ATG13: variants seen among roughly 807,000 people sequenced by gnomAD.
ATG13 encodes the protein autophagy-related protein 13.
In ATG13, 23 loss-of-function variants were observed where a neutral mutation model predicts 65.5. The ratio of observed to expected loss-of-function variants is 0.35; its 90% CI spans 0.25 to 0.50. The LOEUF is 0.50. Among genes scored for constraint, ATG13 ranks in the 20% least tolerant of loss-of-function variants. ATG13 has a pLI of 0.98. For synonymous variants in ATG13, 252 were observed against 245.2 expected, an observed-to-expected ratio of 1.03 and a Z score of -0.26; for missense variants, 566 against 677.0, an observed-to-expected ratio of 0.84 and a Z score of 1.82.
chr11:46,619,373 T>C (rs12794272), intron 1 of ATG13, among the ~76,000 whole-genome samples: 10 of 85,222 alleles, frequency 1.2e-4, no homozygotes, highest in Admixed American at 9.0e-4. Flanking sequence ...GATTTCTTGC[T>C]TTTTTTTTTT....
intron 13 of ATG13, 23 bp downstream of exon 13, chr11:46,664,982 C>T: frequency 1.2e-6 from 2 of 1,600,992 alleles, no homozygotes; most frequent in East Asian, 2.2e-5. Flanking sequence ...ATGGGGAGGA[C>T]TATGGGTTTC....
chr11:46,632,325 C>G (rs941993184), intron 2 of ATG13: 1 of 152,040 alleles, frequency 6.6e-6, no homozygotes, highest in Non-Finnish European at 1.5e-5. Context: ...ATCCCTAGGA[C>G]AGAAAATTTT....
chr11:46,654,889 A>C (rs1412802747), intron 7 of ATG13, among the ~76,000 whole-genome samples: 5 of 150,598 alleles, frequency 3.3e-5, no homozygotes, highest in East Asian at 2.0e-4. Context: ...ACTTGAGCTC[A>C]GGAGTTCAAG....
chr11:46,620,877 T>G (rs545300897), intron 1 of ATG13, among the ~76,000 whole-genome samples: 4 of 152,192 alleles, frequency 2.6e-5, no homozygotes, highest in African/African-American at 4.8e-5. Context: ...TCATAACTTA[T>G]AGAAACCTCC....
intron 1 of ATG13, among the ~76,000 whole-genome samples, chr11:46,620,609 C>T (rs1304231680): frequency 6.6e-6 from 1 of 151,680 alleles, no homozygotes; most frequent in Non-Finnish European, 1.5e-5. Context: ...AACCCTGTCT[C>T]TACCAAAAAT....
chr11:46,645,296 T>A, intron 3 of ATG13, 43 bp from the exon 4 acceptor site: 1 of 1,574,896 alleles, frequency 6.3e-7, no homozygotes, highest in Non-Finnish European at 8.7e-7. Flanking sequence ...GTCTAAGACT[T>A]TTCATCATTT....
rs537804382 is a variant in ATG13, at chr11:46,624,059, C to G, written c.-69-5986C>G. Among the ~76,000 whole-genome samples, 9 of 149,464 alleles carry G rather than the reference C, an allele frequency of 6.0e-5. No homozygotes were observed. In the Admixed American group the frequency reaches 6.1e-4, roughly 10 times the overall value. ...TCTCGCTGTCACCCAGGCTGGAGTA[C>G]AGTGGCGCAATCTCGGCTCCCTGCA... On this transcript the variant is annotated intron_variant, in intron 1 of 18. Coordinates refer to ENST00000683050, the MANE Select transcript of ATG13 (RefSeq NM_001346311.2).
chr11:46,631,001 C>G (rs1280768290), intron 2 of ATG13: 1 of 152,138 alleles, frequency 6.6e-6, no homozygotes, highest in African/African-American at 2.4e-5. Context: ...TGTGAGTCAC[C>G]ATGCCCAGCC....
chr11:46,670,713 G>A (rs562703760), intron 18 of ATG13, among the ~76,000 whole-genome samples: 1 of 152,204 alleles, frequency 6.6e-6, no homozygotes, highest in South Asian at 2.1e-4. Flanking sequence ...GGAGGTGGAG[G>A]CAGGAGGATT....
At chr11:46,639,829 TG>T (rs1361442702) in intron 2 of ATG13, among the ~76,000 whole-genome samples, 1 of 151,646 alleles carries the variant, frequency 6.6e-6, no homozygotes, top group African/African-American at 2.4e-5. Flanking sequence ...GCTATTCTGC[TG>T]TACTTCAGGA....
chr11:46,622,057 T>G (rs2047681597), intron 1 of ATG13, among the ~76,000 whole-genome samples: 1 of 130,644 alleles, frequency 7.7e-6, no homozygotes, highest in African/African-American at 2.7e-5. Context: ...AAAGGCCACT[T>G]CAGAGATTTA....
rs1276426403 is a variant in ATG13, at chr11:46,673,145, A to G, written c.*813A>G. ...GTAAATATTTATTACTTTCAGAGAAACCAGATATTTTATAGAGGAAATATG... is the reference window on the plus strand; with the variant it reads ...GTAAATATTTATTACTTTCAGAGAAGCCAGATATTTTATAGAGGAAATATG... On this transcript the variant is annotated 3_prime_UTR_variant, in exon 19 of 19. Transcript: ENST00000683050. The G allele has an allele frequency of 6.3e-6, 1 of 157,990 alleles. No individual in the cohort carries two copies. Among genetic ancestry groups the G allele is most frequent in the Non-Finnish European group, 1.4e-5 (1 of 71,038 alleles). The allele number at this position is 157,990 out of a possible 1,614,324, so 9.8% of individuals were successfully genotyped here. A position where few individuals can be genotyped will look rare whatever the true frequency, so the allele number is the denominator to read the frequency against.
intron 3 of ATG13, among the ~76,000 whole-genome samples, chr11:46,645,070 A>G (rs1487458430): frequency 2.0e-5 from 3 of 152,324 alleles, no homozygotes; most frequent in South Asian, 4.1e-4. Flanking sequence ...CTTCTGCCAT[A>G]TGAGAATATT....
At chr11:46,670,413 G>A (rs1190965634) in intron 18 of ATG13, among the ~76,000 whole-genome samples, 1 of 151,588 alleles carries the variant, frequency 6.6e-6, no homozygotes, top group Admixed American at 6.6e-5. Flanking sequence ...CTTGGGAGGT[G>A]GGGGTTGCAG....
intron 9 of ATG13, 49 bp from the exon 10 acceptor site, chr11:46,657,475 G>T: frequency 1.9e-6 from 3 of 1,559,364 alleles, no homozygotes; most frequent in Non-Finnish European, 2.7e-6. Flanking sequence ...CTTTGTGGGG[G>T]CTGGAAAGGC....
Position 46,669,471 on chromosome 11 carries a change from A to G in ATG13, c.1514A>G (p.Asn505Ser). ...DLGTFYREFQNPPQLSSLSID... is the reference protein window; with the variant it reads ...DLGTFYREFQSPPQLSSLSID... The stretch of plus-strand genomic sequence containing the variant: ...GGGACCTTCTATCGGGAGTTTCAGA[A>G]CCCACCTCAGCTGAGCAGCCTCTCC... Residue 505 changes from asparagine to serine, a missense_variant, in exon 18 of 19, where the codon AAC becomes AGC. Physicochemically the swap from Asn to Ser is conservative, Grantham distance 46 (BLOSUM62 1). Coordinates refer to ENST00000683050, the MANE Select transcript of ATG13 (RefSeq NM_001346311.2). 1 of 1,614,090 alleles carries G rather than the reference A, an allele frequency of 6.2e-7. No homozygotes were observed. Among genetic ancestry groups the G allele is most frequent in the Non-Finnish European group, 8.5e-7 (1 of 1,179,986 alleles).
At chr11:46,657,422 G>A (rs1358299051) in intron 9 of ATG13, 102 bp from the exon 10 acceptor site, 3 of 1,171,260 alleles carry the variant, frequency 2.6e-6, no homozygotes, top group Non-Finnish European at 3.8e-6. Context: ...TAAAGCTCTG[G>A]TAGTGCCTGC....
chr11:46,620,502 G>A lies in ATG13; in HGVS notation c.-70+2612G>A, dbSNP rs144410089. ...GAAAAACAACTCAATTGGGCTGGGC[G>A]CGGTTGCTCACACCTGAAATCCCAG... On this transcript the variant is annotated intron_variant, in intron 1 of 18. Transcript: ENST00000683050. Among the ~76,000 whole-genome samples the A allele has an allele frequency of 5.4e-4, 82 of 152,010 alleles. 1 individual carries two copies. In the Middle Eastern group the frequency reaches 0.024, roughly 44 times the overall value.
intron 4 of ATG13, 75 bp from the exon 5 acceptor site, chr11:46,645,795 A>C: frequency 6.3e-7 from 1 of 1,583,508 alleles, no homozygotes; most frequent in Non-Finnish European, 8.6e-7. Flanking sequence ...TACTTGCATT[A>C]CCCAGCATAC....
Sources: gnomAD v4.1 joint callset for allele counts (sites outside exome capture counted in the v4.1 genomes callset) on GRCh38, gnomAD v4.1.1 for gene constraint, MANE v1.5 for transcripts, NCBI Gene and HGNC (gene_info 2026-07-23, HGNC 2026-07-21) for gene names.